The following ANO2 variants were observed in gnomAD, a reference collection of about 807,000 sequenced individuals.
The protein encoded by ANO2 is anoctamin 2.
Under a neutral mutation model 124.2 loss-of-function variants are expected in ANO2, and 101 were observed. The ratio of observed to expected loss-of-function variants is 0.81; its 90% CI spans 0.69 to 0.96. The LOEUF is 0.96. ANO2 is among the 40% of genes least tolerant of loss of function. ANO2 has a pLI of 0.00. For missense variants in ANO2, 1,293 were observed against 1,274.5 expected (o/e 1.01, Z -0.22); for synonymous variants, 486 against 482.5 (o/e 1.01, Z -0.09).
rs1317686434 is a variant in ANO2, at chr12:5,845,779, T to C, written c.633+8264A>G. 3.3e-5 allele frequency among the ~76,000 whole-genome samples: 5 copies of C among 152,174 alleles called. No individual in the cohort carries two copies. The East Asian group carries it at 7.7e-4, about 23-fold the overall frequency. ...CTCCTTCAAGGTGTGTGCCCTTGGA[T>C]AAGTTTATTAACCTCTCTGAGTTTC... On this transcript the variant is annotated intron_variant, in intron 4 of 24. Transcript: ENST00000682330.
At chr12:5,639,803 G>A (rs1398681155) in intron 15 of ANO2, among the ~76,000 whole-genome samples, 2 of 152,134 alleles carry the variant, frequency 1.3e-5, no homozygotes, top group African/African-American at 2.4e-5. Context: ...GTTGGTTTAG[G>A]TTTTAAAAGT....
intron 19 of ANO2, among the ~76,000 whole-genome samples, chr12:5,608,295 C>T (rs1591722560): frequency 2.0e-5 from 3 of 150,154 alleles, no homozygotes; most frequent in Non-Finnish European, 3.0e-5. Flanking sequence ...ATAGTGATCT[C>T]GTATGACCAA....
Position 5,930,892 on chromosome 12 carries a change from C to T in ANO2, c.23-8088G>A, listed in dbSNP as rs371841413. ...CACATAAAATCCATTTGCATATCCG[C>T]CTCCTGGGCTCTGCTTGTCTTATAG... is the stretch of plus-strand genomic sequence containing the variant. On this transcript the variant is annotated intron_variant, in intron 1 of 24. Transcript: ENST00000682330. Among the ~76,000 whole-genome samples, 24 of 152,150 alleles carry T rather than the reference C, an allele frequency of 1.6e-4. 1 individual carries two copies. Among genetic ancestry groups the T allele is most frequent in the East Asian group, 1.2e-3 (6 of 5,150 alleles).
At chr12:5,899,081 C>T (rs1213855437) in intron 3 of ANO2, among the ~76,000 whole-genome samples, 2 of 152,134 alleles carry the variant, frequency 1.3e-5, no homozygotes, top group African/African-American at 4.8e-5. Context: ...CCCTGCTGTT[C>T]ACCTGAGCCA....
chr12:5,827,921 G>A, intron 6 of ANO2, 101 bp from the exon 7 acceptor site: 1 of 1,341,664 alleles, frequency 7.5e-7, no homozygotes, highest in Non-Finnish European at 1.0e-6. Flanking sequence ...AGGCGCCCGG[G>A]CTCATTTGGA....
At chr12:5,676,944 C>T (rs1948273447) in intron 14 of ANO2, among the ~76,000 whole-genome samples, 1 of 152,078 alleles carries the variant, frequency 6.6e-6, no homozygotes, top group Non-Finnish European at 1.5e-5. Flanking sequence ...ATCCCAGCTA[C>T]TTGGGAGGCT....
At chr12:5,827,715 G>A in intron 7 of ANO2, 54 bp downstream of exon 7, 3 of 1,571,354 alleles carry the variant, frequency 1.9e-6, no homozygotes, top group Non-Finnish European at 2.6e-6. Context: ...AAAGCACGGG[G>A]CGGGAGCCGC....
At chr12:5,592,844 A>C (rs1308245153) in intron 20 of ANO2, among the ~76,000 whole-genome samples, 1 of 152,234 alleles carries the variant, frequency 6.6e-6, no homozygotes, top group Non-Finnish European at 1.5e-5. Flanking sequence ...GAAAGTAGTC[A>C]TGGAGGTTAA....
intron 7 of ANO2, among the ~76,000 whole-genome samples, chr12:5,818,508 G>GAT (rs34332417): frequency 0.31 from 32,941 of 105,410 alleles, 5,504 homozygotes; most frequent in Middle Eastern, 0.38. Context: ...TATGTAATAG[G>GAT]ATATATATAT....
chr12:5,674,661 TC>T (rs1948154766), intron 14 of ANO2, among the ~76,000 whole-genome samples: 1 of 152,160 alleles, frequency 6.6e-6, no homozygotes, highest in Non-Finnish European at 1.5e-5. Flanking sequence ...TTCCAGCCAC[TC>T]CCAACACACT....
At position 5,807,355 on chromosome 12, in the gene ANO2, C is replaced by T; in HGVS notation, c.906G>A (p.Leu302=). The part of the protein sequence containing the change: ...RANNTMGINS[L]IANNIYEAAY... ...CAGCCTCATAGATATTGTTTGCGAT[C>T]AGAGAGTTAATACCTACGGAAGAAA... Residue 302 remains leucine (L), a synonymous_variant, in exon 8 of 25, where the codon CTG becomes CTA. Transcript: ENST00000682330. The T allele has an allele frequency of 6.4e-7, 1 of 1,556,850 alleles. No homozygotes were observed. The highest frequency in any genetic ancestry group is 8.7e-7 in the Non-Finnish European group (1 of 1,149,856).
chr12:5,576,186 G>A (rs1389580652), intron 22 of ANO2, among the ~76,000 whole-genome samples, 171 bp from the exon 23 acceptor site: 1 of 152,208 alleles, frequency 6.6e-6, no homozygotes, highest in Non-Finnish European at 1.5e-5. Context: ...CATCTTTGAT[G>A]TGTATAAGTA....
chr12:5,922,890 A>G, intron 1 of ANO2, 86 bp from the exon 2 acceptor site: 2 of 1,325,296 alleles, frequency 1.5e-6, no homozygotes, highest in Non-Finnish European at 2.0e-6. Flanking sequence ...CTCAGACACT[A>G]GCCCTGAGAA....
chr12:5,892,427 A>T (rs1939481069), intron 3 of ANO2, among the ~76,000 whole-genome samples: 1 of 152,238 alleles, frequency 6.6e-6, no homozygotes, highest in African/African-American at 2.4e-5. Flanking sequence ...AAACAGATTT[A>T]TGAAGTTCAG....
Position 5,787,504 on chromosome 12 carries a change from T to C in ANO2, c.1055+12003A>G, listed in dbSNP as rs1952572120. Among the ~76,000 whole-genome samples the C allele has an allele frequency of 6.6e-6, 1 of 152,204 alleles. No individual in the cohort carries two copies. On this transcript the variant is annotated intron_variant, in intron 10 of 24. Coordinates refer to ENST00000682330, the MANE Select transcript of ANO2 (RefSeq NM_001364791.2). The surrounding 1 kb of genome is among the most constrained non-coding windows in gnomAD (Gnocchi z 4.2). ...GATCCTACCTCTCTCACCAACCTTG[T>C]GACTTTGGGCCACTTAATAATGTCT... is the stretch of plus-strand genomic sequence containing the variant.
chr12:5,576,638 C>CA (rs1444927237), intron 22 of ANO2, among the ~76,000 whole-genome samples: 17 of 152,216 alleles, frequency 1.1e-4, no homozygotes, highest in African/African-American at 4.1e-4. Flanking sequence ...CAGCATCTGG[C>CA]ATGTCTAAGT....
At chr12:5,569,544 A>G (rs1941976685) in intron 23 of ANO2, among the ~76,000 whole-genome samples, 1 of 152,224 alleles carries the variant, frequency 6.6e-6, no homozygotes, top group Admixed American at 6.5e-5. Flanking sequence ...CTGTCTAAAA[A>G]GCTAGTCTGC....
At chr12:5,666,499 G>A (rs1366419521) in intron 14 of ANO2, among the ~76,000 whole-genome samples, 1 of 152,102 alleles carries the variant, frequency 6.6e-6, no homozygotes, top group Non-Finnish European at 1.5e-5. Context: ...CTCATGAAAT[G>A]CACAGCGACC....
intron 8 of ANO2, among the ~76,000 whole-genome samples, chr12:5,806,407 A>G (rs1362539233): frequency 6.6e-6 from 1 of 152,198 alleles, no homozygotes; most frequent in Non-Finnish European, 1.5e-5. Flanking sequence ...TCACGTGAAA[A>G]GCACCTGTGC....
Sources: gnomAD v4.1 joint callset for allele counts (sites outside exome capture counted in the v4.1 genomes callset) on GRCh38, gnomAD v4.1.1 for gene constraint, Gnocchi (gnomAD v3.1) non-coding constraint, MANE v1.5 for transcripts, NCBI Gene and HGNC (gene_info 2026-07-23, HGNC 2026-07-21) for gene names.